Variants in DLGAP5 observed in about 807,000 individuals in gnomAD.
DLGAP5 encodes the protein disks large-associated protein 5.
In DLGAP5, 90 loss-of-function variants were observed where a neutral mutation model predicts 99.6. The observed-to-expected ratio is 0.90, with a 90% CI of 0.76 to 1.08. DLGAP5 has a LOEUF of 1.08. Among genes scored for constraint, DLGAP5 ranks in the 50% least tolerant of loss-of-function variants. The pLI is 0.00. For missense variants in DLGAP5, 1,036 were observed against 983.5 expected (o/e 1.05, Z -0.71); for synonymous variants, 311 against 321.3 (o/e 0.97, Z 0.34).
chr14:55,173,283 A>C (rs867922273), intron 10 of DLGAP5, among the ~76,000 whole-genome samples: 13 of 119,462 alleles, frequency 1.1e-4, no homozygotes, highest in East Asian at 2.3e-4. Context: ...AAAAAAAAAA[A>C]AAAACAAAAA....
rs185365216 is a variant in DLGAP5 at position 55,189,026 on chromosome 14, T to C, written c.154A>G (p.Ile52Val). The C allele has an allele frequency of 3.5e-5, 57 of 1,613,980 alleles. No homozygotes were observed. In the African/African-American group the frequency reaches 6.8e-4, roughly 19 times the overall value. The change falls in exon 2 of 19, where the codon ATT becomes GTT. Residue 52 changes from isoleucine to valine, a missense_variant. Coordinates refer to ENST00000247191, the MANE Select transcript of DLGAP5 (RefSeq NM_014750.5). ...AGAATTCTACCTTCCAAGGTTGGAA[T>C]GTTTACATCTTTCAAACCAAAGTGT... ...NRHFGLKDVN[I>V]PTLEGRILVE...
At chr14:55,150,960 C>G in intron 17 of DLGAP5, 112 bp from the exon 18 acceptor site, 1 of 660,766 alleles carries the variant, frequency 1.5e-6, no homozygotes, top group Non-Finnish European at 2.5e-6. Flanking sequence ...AATGCTAAGA[C>G]AAAAATATAG....
intron 12 of DLGAP5, among the ~76,000 whole-genome samples, chr14:55,163,831 T>C (rs1467671489): frequency 6.6e-6 from 1 of 152,226 alleles, no homozygotes; most frequent in Non-Finnish European, 1.5e-5. Context: ...TCTTCTATGG[T>C]GAGGTAACTG....
Position 55,183,597 on chromosome 14 carries a change from A to G in DLGAP5, c.395T>C (p.Leu132Ser), listed in dbSNP as rs759343872. Residue 132 changes from leucine (L) to serine (S), a missense_variant, in exon 3 of 19, where the codon TTA becomes TCA. Physicochemically the swap from Leu to Ser is moderately radical, Grantham distance 145. Transcript: ENST00000247191. ...RYRPDMPCFL[L>S]SNQNAVKAEP... ...AGCTTTCACAGCATTCTGGTTTGAT[A>G]AAAGAAAACAAGGCATATCAGGTCT... The G allele has an allele frequency of 1.9e-6, 3 of 1,586,864 alleles. No individual in the cohort carries two copies. Among genetic ancestry groups the G allele is most frequent in the Non-Finnish European group, 2.6e-6 (3 of 1,171,730 alleles).
intron 18 of DLGAP5, 109 bp from the exon 19 acceptor site, chr14:55,148,582 G>A (rs560827438): frequency 8.6e-5 from 135 of 1,565,740 alleles, no homozygotes; most frequent in South Asian, 5.2e-4. Context: ...AACCGGGTGC[G>A]GTGGTGCACA....
chr14:55,188,961 T>C lies in DLGAP5; in HGVS notation c.219A>G (p.Glu73=), dbSNP rs1306599024. 6.2e-7 allele frequency: 1 copy of C among 1,613,338 alleles called. No homozygotes were observed. The highest frequency in any genetic ancestry group is 1.1e-5 in the South Asian group (1 of 90,878). ...ACTTACTTGGCTTAACATTGGTCTT[T>C]TCTGGAACAAGCCCTTGAGATGTCT... ...LDETSQGLVP[E]KTNVKPRAMK... Residue 73 remains glutamate (E), a synonymous_variant, in exon 2 of 19, where the codon GAA becomes GAG. Coordinates refer to ENST00000247191, the MANE Select transcript of DLGAP5 (RefSeq NM_014750.5).
At chr14:55,163,867 T>A (rs1209930821) in intron 12 of DLGAP5, among the ~76,000 whole-genome samples, 1 of 152,232 alleles carries the variant, frequency 6.6e-6, no homozygotes, top group Non-Finnish European at 1.5e-5. Context: ...CATTTTTAAT[T>A]GGGTTGTTCG....
At chr14:55,173,214 C>T (rs954547977) in intron 10 of DLGAP5, among the ~76,000 whole-genome samples, 9 of 145,858 alleles carry the variant, frequency 6.2e-5, no homozygotes, top group Middle Eastern at 3.5e-3. Flanking sequence ...GCAAAAGGAT[C>T]GCTTGAGCCT....
In DLGAP5 at chr14:55,183,554, A is replaced by T. The variant is rs925352378; in HGVS notation, c.432+6T>A. The T allele has an allele frequency of 6.5e-7, 1 of 1,546,012 alleles. No individual in the cohort carries two copies. Among genetic ancestry groups the T allele is most frequent in the African/African-American group, 1.4e-5 (1 of 71,182 alleles). On this transcript the variant is annotated splice_donor_region_variant and intron_variant, in intron 3 of 18. Transcript: ENST00000247191. The stretch of plus-strand genomic sequence containing the variant: ...CTATTCCTTTATATTAAGACACTAA[A>T]TTTACCTTTTTTGGCTCAGCTTTCA...
chr14:55,175,820 A>C, intron 9 of DLGAP5, 74 bp downstream of exon 9: 6 of 1,281,588 alleles, frequency 4.7e-6, no homozygotes, highest in Non-Finnish European at 5.3e-6. Flanking sequence ...AAATGTAATT[A>C]CTATACCTGA....
Position 55,151,881 on chromosome 14 carries a change from G to T in DLGAP5, c.2182C>A (p.Leu728Ile). 1 of 1,613,902 alleles carries T rather than the reference G, an allele frequency of 6.2e-7. No individual in the cohort carries two copies. The highest frequency in any genetic ancestry group is 8.5e-7 in the Non-Finnish European group (1 of 1,179,930). ...CLSSERMSLP[L>I]LAGGVADDIN... ...TCATCTGCTACTCCACCAGCAAGAA[G>T]AGGCAAACTCATTCTCTCACTGGAT... Residue 728 changes from leucine to isoleucine, a missense_variant, in exon 17 of 19, where the codon CTT becomes ATT. Leu to Ile is a conservative substitution (Grantham distance 5, BLOSUM62 2). Transcript: ENST00000247191.
chr14:55,151,337 G>A (rs925563437), intron 17 of DLGAP5, among the ~76,000 whole-genome samples: 7 of 141,772 alleles, frequency 4.9e-5, no homozygotes, highest in South Asian at 2.3e-4. Context: ...TGTTGAAAAG[G>A]ACAACTAAAA....
rs1227328755 is a variant in DLGAP5, at chr14:55,154,673, C to T, written c.2007G>A (p.Gln669=). 4.3e-6 allele frequency: 7 copies of T among 1,614,022 alleles called. No individual in the cohort carries two copies. In the Admixed American group the frequency reaches 5.0e-5, roughly 12 times the overall value. The change falls in exon 15 of 19, where the codon CAG becomes CAA. Residue 669 remains glutamine, a synonymous_variant. Coordinates refer to ENST00000247191, the MANE Select transcript of DLGAP5 (RefSeq NM_014750.5). ...TCTTCACATGTTCACTTTTCGTATT[C>T]TGAGGACCGGCATTTTCTGGTGATG... ...QTTSPENAGP[Q]NTKSEHVKKT...
intron 14 of DLGAP5, among the ~76,000 whole-genome samples, chr14:55,156,475 C>G (rs1260955507): frequency 6.6e-6 from 1 of 152,218 alleles, no homozygotes; most frequent in East Asian, 1.9e-4. Context: ...TTCCAGGAAG[C>G]AGATGGAAAG....
At chr14:55,155,121 T>C (rs191776467) in intron 14 of DLGAP5, among the ~76,000 whole-genome samples, 1 of 152,198 alleles carries the variant, frequency 6.6e-6, no homozygotes, top group African/African-American at 2.4e-5. Flanking sequence ...GCCTCCCAGC[T>C]TCAAGTGATT....
At chr14:55,188,352 A>C (rs1883493926) in intron 2 of DLGAP5, among the ~76,000 whole-genome samples, 1 of 152,046 alleles carries the variant, frequency 6.6e-6, no homozygotes, top group South Asian at 2.1e-4. Flanking sequence ...TTTCCATCCT[A>C]ATGGTCCCAA....
intron 7 of DLGAP5, among the ~76,000 whole-genome samples, chr14:55,177,608 G>A (rs962380645): frequency 4.0e-5 from 6 of 151,620 alleles, no homozygotes; most frequent in African/African-American, 1.5e-4. Context: ...CGCGATCTCG[G>A]CTCCCTGCAA....
chr14:55,154,832 A>G (rs77977490), intron 14 of DLGAP5, 26 bp from the exon 15 acceptor site: 119,060 of 1,594,048 alleles, frequency 0.075, 4,849 homozygotes, highest in South Asian at 0.096. Flanking sequence ...AATCACCTCA[A>G]TACCAAATAG....
At chr14:55,157,794 GCT>G (rs1882265397) in intron 14 of DLGAP5, among the ~76,000 whole-genome samples, 1 of 152,208 alleles carries the variant, frequency 6.6e-6, no homozygotes, top group East Asian at 1.9e-4. Flanking sequence ...ATGGAGTCTT[GCT>G]CTGTCACTCA....
Sources: allele counts gnomAD v4.1 joint callset (sites outside exome capture counted in the v4.1 genomes callset), GRCh38; gene constraint gnomAD v4.1.1; transcripts MANE v1.5; gene names NCBI Gene and HGNC (gene_info 2026-07-23, HGNC 2026-07-21).